The following TSPYL2 variants were observed in gnomAD, a reference collection of about 807,000 sequenced individuals.
TSPYL2 encodes TSPY like 2, also known as testis-specific Y-encoded-like protein 2.
In TSPYL2, 9 loss-of-function variants were observed where a neutral mutation model predicts 33.0. The observed-to-expected ratio is 0.27, with a 90% CI of 0.16 to 0.48. The LOEUF (loss-of-function observed/expected upper bound fraction) is 0.48, where lower values mean the gene tolerates loss of function less well. Among genes scored for constraint, TSPYL2 ranks in the 20% least tolerant of loss-of-function variants. The pLI, the probability that TSPYL2 is intolerant of heterozygous loss-of-function variation, is 0.99. For missense variants in TSPYL2, 636 were observed against 586.2 expected, an observed-to-expected ratio of 1.08 and a Z score of -0.88; for synonymous variants, 330 against 233.6, an observed-to-expected ratio of 1.41 and a Z score of -3.77.
rs1158684226 is a variant in TSPYL2, at chrX:53,087,428, C to T, written c.1919-348C>T. ...CAGACTGGGGGAGAAAGCGAGGAAGCTGCCTGGAGATGAATAGGTTTATTC... is the reference window on the plus strand; with the variant it reads ...CAGACTGGGGGAGAAAGCGAGGAAGTTGCCTGGAGATGAATAGGTTTATTC... On this transcript the variant is annotated intron_variant, in intron 6 of 6. Coordinates refer to ENST00000375442, the MANE Select transcript of TSPYL2 (RefSeq NM_022117.4). 4 of 159,678 alleles carry T rather than the reference C, an allele frequency of 2.5e-5. No homozygotes were observed. In the Admixed American group the frequency reaches 2.9e-4, roughly 12 times the overall value. The allele number at this position is 159,678 out of a possible 1,213,427, so 13.2% of individuals were successfully genotyped here. A position where few individuals can be genotyped will look rare whatever the true frequency, so the allele number is the denominator to read the frequency against.
Position 53,087,922 on chromosome X carries a change from A to C in TSPYL2, c.2065A>C (p.Arg689=). 2 of 1,211,513 alleles carry C rather than the reference A, an allele frequency of 1.7e-6. No individual in the cohort carries two copies. Among genetic ancestry groups the C allele is most frequent in the Non-Finnish European group, 2.2e-6 (2 of 895,361 alleles). ...VPNGWANPGK[R]GKTG ...AAACGGTTGGGCCAATCCGGGGAAGAGGGGGAAAACCGGATAAGGGTTTTC... is the reference window on the plus strand; with the variant it reads ...AAACGGTTGGGCCAATCCGGGGAAGCGGGGGAAAACCGGATAAGGGTTTTC... Residue 689 remains arginine (R), a synonymous_variant, in exon 7 of 7, where the codon AGG becomes CGG. Coordinates refer to ENST00000375442, the MANE Select transcript of TSPYL2 (RefSeq NM_022117.4).
At position 53,087,922 on chromosome X, in the gene TSPYL2, A is replaced by G. The variant is rs181418147; in HGVS notation, c.2065A>G (p.Arg689Gly). Residue 689 changes from arginine (R) to glycine (G), a missense_variant, in exon 7 of 7, where the codon AGG becomes GGG. Physicochemically the swap from Arg to Gly is moderately radical, Grantham distance 125. Around this residue, in one of 3 missense-constraint regions of TSPYL2, gnomAD observed 401 missense variants for 363.0 expected, o/e 1.10. Transcript: ENST00000375442. ...AAACGGTTGGGCCAATCCGGGGAAG[A>G]GGGGGAAAACCGGATAAGGGTTTTC... The part of the protein sequence containing the change: ...VPNGWANPGK[R>G]GKTG The G allele has an allele frequency of 8.3e-5, 101 of 1,210,103 alleles. 1 individual carries two copies. In the South Asian group the frequency reaches 1.0e-3, roughly 12 times the overall value.
At chrX:53,083,342 C>T (rs1932674339) in intron 1 of TSPYL2, 37 bp downstream of exon 1, 2 of 1,119,689 alleles carry the variant, frequency 1.8e-6, no homozygotes, top group South Asian at 1.9e-5. Flanking sequence ...GTCAGAAGCC[C>T]GTGACAGGAA....
intron 1 of TSPYL2, among the ~76,000 whole-genome samples, 156 bp downstream of exon 1, chrX:53,083,461 A>G (rs1556807574): frequency 9.2e-6 from 1 of 108,198 alleles, no homozygotes; most frequent in African/African-American, 3.4e-5. Context: ...AGAGGGATGG[A>G]AGGAGGAGGG....
chrX:53,083,070 G>T lies in TSPYL2; in HGVS notation c.572G>T (p.Arg191Leu), dbSNP rs1932663977. 1 of 1,205,339 alleles carries T rather than the reference G, an allele frequency of 8.3e-7. No homozygotes were observed. Among genetic ancestry groups the T allele is most frequent in the Non-Finnish European group, 1.1e-6 (1 of 891,994 alleles). Residue 191 changes from arginine (R) to leucine (L), a missense_variant, in exon 1 of 7, where the codon CGG (arginine) becomes CTG (leucine). This residue lies in a region of TSPYL2 where 231 missense variants were observed against 201.6 expected (regional missense o/e 1.15). Transcript: ENST00000375442. ...ESMRSSRRRR[R>L]RRRRKQRKVK... is the part of the protein sequence containing the mutation. ...ATGAGGAGCAGCAGGAGGCGGCGGCGGCGGCGGAGGAGGAAGCAGAGGAAG... is the reference window on the plus strand; with the variant it reads ...ATGAGGAGCAGCAGGAGGCGGCGGCTGCGGCGGAGGAGGAAGCAGAGGAAG...
chrX:53,084,899 C>T (rs781954030), intron 3 of TSPYL2, 33 bp downstream of exon 3: 7 of 1,206,628 alleles, frequency 5.8e-6, no homozygotes, highest in Non-Finnish European at 7.8e-6. Context: ...ATCCATGTTC[C>T]CCCCCTCAAT....
rs368493284 is a variant in TSPYL2 at position 53,083,063 on chromosome X, C to A, written c.565C>A (p.Arg189=). 58 of 1,183,881 alleles carry A rather than the reference C, an allele frequency of 4.9e-5. No homozygotes were observed. Among genetic ancestry groups the A allele is most frequent in the Non-Finnish European group, 6.0e-5 (53 of 876,391 alleles). Residue 189 remains arginine, a synonymous_variant, in exon 1 of 7, where the codon CGG becomes AGG. Transcript: ENST00000375442. ...ERESMRSSRR[R]RRRRRRKQRK... ...GGAGAGTATGAGGAGCAGCAGGAGG[C>A]GGCGGCGGCGGCGGAGGAGGAAGCA...
intron 4 of TSPYL2, 45 bp downstream of exon 4, chrX:53,085,144 G>A (rs781905414): frequency 8.4e-7 from 1 of 1,191,249 alleles, no homozygotes; most frequent in Admixed American, 2.3e-5. Context: ...TGCTAGGCTT[G>A]TTCCTGGGTG....
Position 53,083,037 on chromosome X carries a change from G to C in TSPYL2, c.539G>C (p.Arg180Pro), listed in dbSNP as rs1327004488. 2 of 1,206,477 alleles carry C rather than the reference G, an allele frequency of 1.7e-6. No individual in the cohort carries two copies. Among genetic ancestry groups the C allele is most frequent in the East Asian group, 3.0e-5 (1 of 33,670 alleles). ...IIVEDEDEDE[R>P]ESMRSSRRRR... Reference sequence around the variant, plus strand: ...GTGGAGGATGAGGATGAGGATGAGCGGGAGAGTATGAGGAGCAGCAGGAGG... The same window carrying C: ...GTGGAGGATGAGGATGAGGATGAGCCGGAGAGTATGAGGAGCAGCAGGAGG... Residue 180 changes from arginine to proline, a missense_variant, in exon 1 of 7, where the codon CGG becomes CCG. Around this residue, in one of 3 missense-constraint regions of TSPYL2, gnomAD observed 231 missense variants for 201.6 expected, o/e 1.15. Transcript: ENST00000375442.
rs1426733561 is a variant in TSPYL2 at position 53,085,865 on chromosome X, G to A, written c.1473G>A (p.Glu491=). The change falls in exon 6 of 7, where the codon GAG becomes GAA. Residue 491 remains glutamate (E), a synonymous_variant. Coordinates refer to ENST00000375442, the MANE Select transcript of TSPYL2 (RefSeq NM_022117.4). ...NPDHNEVPNN[E]TTDNNESADD... is the part of the protein sequence containing the mutation. ...ACCACAATGAGGTCCCCAACAACGA[G>A]ACCACTGATAACAACGAGAGTGCTG... The A allele has an allele frequency of 8.3e-6, 10 of 1,209,448 alleles. No homozygotes were observed. The Admixed American group carries it at 8.8e-5, about 11-fold the overall frequency.
In TSPYL2 at chrX:53,087,767, C is replaced by T. The variant is rs782277672; in HGVS notation, c.1919-9C>T. On this transcript the variant is annotated splice_polypyrimidine_tract_variant and intron_variant, in intron 6 of 6. Transcript: ENST00000375442. ...TCCATTTCCCCTTCCTTGCTTCTCC[C>T]CTATGCAGGCATCCAGCAAGATGAG... 18 of 1,202,686 alleles carry T rather than the reference C, an allele frequency of 1.5e-5. No homozygotes were observed. The highest frequency in any genetic ancestry group is 2.2e-5 in the Admixed American group (1 of 44,816).
chrX:53,087,729 C>T, intron 6 of TSPYL2, 47 bp from the exon 7 acceptor site: 1 of 1,162,567 alleles, frequency 8.6e-7, no homozygotes, highest in Non-Finnish European at 1.2e-6. Flanking sequence ...ATCTGCTCAT[C>T]TAACTGCCTT....
At position 53,086,474 on chromosome X, in the gene TSPYL2, T is replaced by C. The variant is rs1245489067; in HGVS notation, c.1918+164T>C. The C allele has an allele frequency of 5.8e-5, 29 of 502,206 alleles. No individual in the cohort carries two copies. The Admixed American group carries it at 7.9e-4, about 14-fold the overall frequency. 41.4% of individuals were successfully genotyped at this position (502,206 alleles called of 1,213,427 possible). On this transcript the variant is annotated intron_variant, in intron 6 of 6. Coordinates refer to ENST00000375442, the MANE Select transcript of TSPYL2 (RefSeq NM_022117.4). ...AAAGGAAGTCCAGTGAACATTTAAC[T>C]TAAAAATGTAACAAAACCCCAAAAA...
Position 53,082,599 on chromosome X carries a change from T to C in TSPYL2, c.101T>C (p.Leu34Pro), listed in dbSNP as rs1932643176. Residue 34 changes from leucine to proline, a missense_variant, in exon 1 of 7, where the codon CTC becomes CCC. This residue lies in a region of TSPYL2 where 231 missense variants were observed against 201.6 expected (regional missense o/e 1.15). Transcript: ENST00000375442. ...CCCCCGCCGCCGCCGCCGCCGCCGCTCCTCCGACTGCCGCTGCCTCCACCC... is the reference window on the plus strand; with the variant it reads ...CCCCCGCCGCCGCCGCCGCCGCCGCCCCTCCGACTGCCGCTGCCTCCACCC... ...DPPPPPPPPPLLRLPLPPPQQ... is the reference protein window; with the variant it reads ...DPPPPPPPPPPLRLPLPPPQQ... 1.7e-6 allele frequency: 2 copies of C among 1,150,892 alleles called. No homozygotes were observed. Among genetic ancestry groups the C allele is most frequent in the Non-Finnish European group, 2.3e-6 (2 of 868,694 alleles). 94.8% of individuals were successfully genotyped at this position (1,150,892 alleles called of 1,213,427 possible).
In TSPYL2 at chrX:53,082,576, CCCGCCGCCGCCG is replaced by C. The variant is rs781884842; in HGVS notation, c.89_100del (p.Pro30_Pro33del). The C allele has an allele frequency of 6.2e-5, 71 of 1,147,100 alleles. No individual in the cohort carries two copies. Among genetic ancestry groups the C allele is most frequent in the Middle Eastern group, 3.0e-4 (1 of 3,283 alleles). The allele number at this position is 1,147,100 out of a possible 1,213,427, so 94.5% of individuals were successfully genotyped here. A position where few individuals can be genotyped will look rare whatever the true frequency, so the allele number is the denominator to read the frequency against. On this transcript the variant is annotated inframe_deletion, in exon 1 of 7. Transcript: ENST00000375442. Reference sequence around the variant, plus strand: ...CCGAGTCTCCACAGCGCGACCCGCCCCCGCCGCCGCCGCCGCCGCCGCTCCTCCGACTGCCGC... The same window carrying C: ...CCGAGTCTCCACAGCGCGACCCGCCCCCGCCGCCGCTCCTCCGACTGCCGC...
chrX:53,083,320 G>A lies in TSPYL2; in HGVS notation c.807+15G>A, dbSNP rs1556807543. Reference sequence around the variant, plus strand: ...GGGTCAAAGCAGTATCCTTCTAATCGATACTCCGTAGGTCAGAAGCCCGTG... The same window carrying A: ...GGGTCAAAGCAGTATCCTTCTAATCAATACTCCGTAGGTCAGAAGCCCGTG... On this transcript the variant is annotated intron_variant, in intron 1 of 6. Transcript: ENST00000375442. The A allele has an allele frequency of 8.4e-7, 1 of 1,189,023 alleles. No individual in the cohort carries two copies. Among genetic ancestry groups the A allele is most frequent in the Non-Finnish European group, 1.1e-6 (1 of 877,713 alleles).
chrX:53,082,464 G>C lies in TSPYL2; in HGVS notation c.-35G>C. On this transcript the variant is annotated 5_prime_UTR_variant, in exon 1 of 7. Coordinates refer to ENST00000375442, the MANE Select transcript of TSPYL2 (RefSeq NM_022117.4). The stretch of plus-strand genomic sequence containing the variant: ...GACGCGGCTAAAAGCGAAGGGGCGA[G>C]TGCGAGTCCCCTGAGCTGTACGAAC... The C allele has an allele frequency of 9.0e-7, 1 of 1,115,471 alleles. No homozygotes were observed. The highest frequency in any genetic ancestry group is 1.2e-6 in the Non-Finnish European group (1 of 853,017). 91.9% of individuals were successfully genotyped at this position (1,115,471 alleles called of 1,213,427 possible). A position where few individuals can be genotyped will look rare whatever the true frequency, so the allele number is the denominator to read the frequency against.
At chrX:53,083,776 G>A (rs1188494327) in intron 1 of TSPYL2, among the ~76,000 whole-genome samples, 1 of 111,076 alleles carries the variant, frequency 9.0e-6, no homozygotes, top group Non-Finnish European at 1.9e-5. Context: ...ACAAGGCTCT[G>A]TAAACCTAGA....
Position 53,085,727 on chromosome X carries a change from G to C in TSPYL2, c.1335G>C (p.Glu445Asp), listed in dbSNP as rs373431920. The C allele has an allele frequency of 8.3e-7, 1 of 1,209,572 alleles. No individual in the cohort carries two copies. Among genetic ancestry groups the C allele is most frequent in the Admixed American group, 2.2e-5 (1 of 45,758 alleles). ...DIFSEISDID[E>D]TIHDIKISDF... ...TCAGCGAGATCTCAGACATTGATGA[G>C]ACAATTCATGACATCAAGATCTCTG... The change falls in exon 6 of 7, where the codon GAG becomes GAC. Residue 445 changes from glutamate (E) to aspartate (D), a missense_variant. Coordinates refer to ENST00000375442, the MANE Select transcript of TSPYL2 (RefSeq NM_022117.4).
Sources: gnomAD v4.1 joint callset for allele counts (sites outside exome capture counted in the v4.1 genomes callset) on GRCh38, gnomAD v4.1.1 for gene constraint, gnomAD v4.1.1 regional missense constraint, MANE v1.5 for transcripts, NCBI Gene and HGNC (gene_info 2026-07-23, HGNC 2026-07-21) for gene names.